The following PTPRT variants were observed in gnomAD, a reference collection of about 807,000 sequenced individuals.
The protein encoded by PTPRT is receptor-type tyrosine-protein phosphatase T.
PTPRT carries 56 observed loss-of-function variants against 176.8 expected under a neutral mutation model. That is an observed-to-expected ratio of 0.32 (90% CI 0.26 to 0.40). The LOEUF (loss-of-function observed/expected upper bound fraction) is 0.40. Ranked by LOEUF, PTPRT falls within the 10% of genes least tolerant of loss-of-function variation. The pLI is 1.00. For missense variants in PTPRT, 1,540 were observed against 1,908.2 expected, an observed-to-expected ratio of 0.81 and a Z score of 3.60; for synonymous variants, 783 against 739.0, an observed-to-expected ratio of 1.06 and a Z score of -0.96.
intron 11 of PTPRT, among the ~76,000 whole-genome samples, chr20:42,320,264 T>G (rs67124242): frequency 0.017 from 2,594 of 152,286 alleles, 66 homozygotes; most frequent in African/African-American, 0.058. Flanking sequence ...TGGAAAAGCC[T>G]GCTGCTTGAC....
At chr20:42,871,795 A>G (rs1458222900) in intron 2 of PTPRT, among the ~76,000 whole-genome samples, 3 of 152,170 alleles carry the variant, frequency 2.0e-5, no homozygotes, top group African/African-American at 7.2e-5. Flanking sequence ...GAGAGCTTCA[A>G]AGGTTTTATA....
intron 2 of PTPRT, among the ~76,000 whole-genome samples, chr20:42,794,793 G>A (rs1416845065): frequency 6.8e-6 from 1 of 148,074 alleles, no homozygotes. Context: ...GGTAACTTGG[G>A]AGGCATTTGA....
At chr20:42,446,089 T>C (rs6102839) in intron 9 of PTPRT, among the ~76,000 whole-genome samples, 36,254 of 152,040 alleles carry the variant, frequency 0.24, 4,453 homozygotes, top group Middle Eastern at 0.34. Context: ...TGCATCATCC[T>C]ACTAGAGGAA....
the PTPRT span, among the ~76,000 whole-genome samples, chr20:42,049,954 T>C: frequency 0.67 from 101,739 of 152,080 alleles, 34,827 homozygotes; most frequent in African/African-American, 0.79. Flanking sequence ...ATCCTGCAGA[T>C]ATTCAGCCTC....
chr20:42,534,743 G>A (rs566665914), intron 7 of PTPRT, among the ~76,000 whole-genome samples: 45 of 152,276 alleles, frequency 3.0e-4, no homozygotes, highest in South Asian at 4.1e-4. Context: ...CAAAAGCCAT[G>A]TTTGTCCTCA....
At chr20:42,101,503 C>T (rs926136285) in intron 26 of PTPRT, among the ~76,000 whole-genome samples, 5 of 152,192 alleles carry the variant, frequency 3.3e-5, no homozygotes, top group South Asian at 2.1e-4. Flanking sequence ...TAATCCCAAA[C>T]CAGGGTAGGG....
At chr20:42,519,129 T>C (rs1304230949) in intron 7 of PTPRT, among the ~76,000 whole-genome samples, 1 of 152,144 alleles carries the variant, frequency 6.6e-6, no homozygotes. Context: ...TTCACTTCTT[T>C]TTGTTCCGCA....
intron 2 of PTPRT, among the ~76,000 whole-genome samples, chr20:42,819,903 C>CA (rs1186359724): frequency 2.6e-5 from 4 of 152,134 alleles, no homozygotes; most frequent in Non-Finnish European, 2.9e-5. Context: ...AATACAGGAG[C>CA]ACCCAGATTC....
intron 16 of PTPRT, among the ~76,000 whole-genome samples, chr20:42,192,352 T>G (rs1024804455): frequency 6.6e-6 from 1 of 152,174 alleles, no homozygotes; most frequent in African/African-American, 2.4e-5. Flanking sequence ...GTCTTCCCTA[T>G]TTGAATTGCT....
At chr20:42,244,801 T>C (rs2056420438) in intron 14 of PTPRT, among the ~76,000 whole-genome samples, 2 of 152,244 alleles carry the variant, frequency 1.3e-5, no homozygotes, top group Non-Finnish European at 2.9e-5. Context: ...TAATGAACAC[T>C]TTCAACTATT....
intron 9 of PTPRT, among the ~76,000 whole-genome samples, chr20:42,390,659 C>G (rs184659837): frequency 1.2e-4 from 18 of 152,270 alleles, no homozygotes; most frequent in Non-Finnish European, 2.5e-4. Context: ...TGTGAGTACA[C>G]CATATTGGAA....
chr20:43,164,089 T>C (rs950161521), intron 1 of PTPRT, among the ~76,000 whole-genome samples: 3 of 152,224 alleles, frequency 2.0e-5, no homozygotes, highest in African/African-American at 7.2e-5. Context: ...ATTTAAAATA[T>C]TAAGAAATAA....
At chr20:42,916,981 C>G (rs931322772) in intron 1 of PTPRT, among the ~76,000 whole-genome samples, 2 of 152,158 alleles carry the variant, frequency 1.3e-5, no homozygotes, top group African/African-American at 2.4e-5. Context: ...TCCCATTTGT[C>G]TATTTTGGCT....
At chr20:43,043,559 A>G (rs1986720036) in intron 1 of PTPRT, among the ~76,000 whole-genome samples, 1 of 152,140 alleles carries the variant, frequency 6.6e-6, no homozygotes, top group African/African-American at 2.4e-5. Flanking sequence ...AGAGAGCAGA[A>G]CTCATTTTCC....
chr20:42,411,917 T>G (rs922206251), intron 9 of PTPRT, among the ~76,000 whole-genome samples: 1 of 152,076 alleles, frequency 6.6e-6, no homozygotes, highest in African/African-American at 2.4e-5. Flanking sequence ...TATCCATATG[T>G]AAGAAATCAA....
Position 42,678,119 on chromosome 20 carries a change from C to A in PTPRT, c.900G>T (p.Val300=), listed in dbSNP as rs2146068676. 6.2e-7 allele frequency: 1 copy of A among 1,614,068 alleles called. No individual in the cohort carries two copies. Among genetic ancestry groups the A allele is most frequent in the Non-Finnish European group, 8.5e-7 (1 of 1,179,982 alleles). ...TPIAPPELLA[V]GATYLWIKPN... is the part of the protein sequence containing the mutation. Reference sequence around the variant, plus strand: ...GCTTGATCCACAGGTATGTGGCCCCCACAGCCAGCAGCTCTGGGGGAGCAA... The same window carrying A: ...GCTTGATCCACAGGTATGTGGCCCCAACAGCCAGCAGCTCTGGGGGAGCAA... The change falls in exon 7 of 31, where the codon GTG becomes GTT. Residue 300 remains valine (V), a synonymous_variant. Coordinates refer to ENST00000373187, the MANE Select transcript of PTPRT (RefSeq NM_007050.6).
At chr20:42,456,701 T>C (rs1403830974) in intron 8 of PTPRT, among the ~76,000 whole-genome samples, 2 of 152,146 alleles carry the variant, frequency 1.3e-5, no homozygotes, top group Non-Finnish European at 2.9e-5. Context: ...TTTAAACTAT[T>C]TTTTTGCATA....
At chr20:42,101,147 T>C (rs988087226) in intron 26 of PTPRT, among the ~76,000 whole-genome samples, 16 of 152,160 alleles carry the variant, frequency 1.1e-4, no homozygotes, top group African/African-American at 3.6e-4. Flanking sequence ...GAAGGGCTCA[T>C]TATATCAGGC....
chr20:42,089,364 A>C (rs776660680), intron 27 of PTPRT, among the ~76,000 whole-genome samples: 1 of 152,148 alleles, frequency 6.6e-6, no homozygotes, highest in Non-Finnish European at 1.5e-5. Flanking sequence ...ACCTGCACTG[A>C]ATTTAGGGTT....
Sources: allele counts gnomAD v4.1 joint callset (sites outside exome capture counted in the v4.1 genomes callset), GRCh38; gene constraint gnomAD v4.1.1; transcripts MANE v1.5; gene names NCBI Gene and HGNC (gene_info 2026-07-23, HGNC 2026-07-21).